DSCAM: variants seen among roughly 807,000 people sequenced by gnomAD.
DSCAM encodes the protein DS cell adhesion molecule.
Under a neutral mutation model 217.7 loss-of-function variants are expected in DSCAM, and 47 were observed. The ratio of observed to expected loss-of-function variants is 0.22; its 90% CI spans 0.17 to 0.28. The LOEUF is 0.28. DSCAM is among the 10% of genes least tolerant of loss of function. The pLI, the probability that DSCAM is intolerant of heterozygous loss-of-function variation, is 1.00. For missense variants in DSCAM, 2,080 were observed against 2,618.3 expected (o/e 0.79, Z 4.49); for synonymous variants, 1,056 against 1,015.3 (o/e 1.04, Z -0.76).
chr21:40,165,992 A>G (rs567753236), intron 16 of DSCAM, among the ~76,000 whole-genome samples: 39 of 152,320 alleles, frequency 2.6e-4, no homozygotes, highest in African/African-American at 9.4e-4. Context: ...AAACAGTCAT[A>G]TCACGCTGCC....
intron 8 of DSCAM, among the ~76,000 whole-genome samples, chr21:40,337,493 G>T (rs1231554832): frequency 6.6e-6 from 1 of 152,040 alleles, no homozygotes; most frequent in Non-Finnish European, 1.5e-5. Flanking sequence ...TCACCTTATT[G>T]TTTTTTTCTG....
At chr21:40,584,746 A>G (rs2076931230) in intron 3 of DSCAM, among the ~76,000 whole-genome samples, 1 of 152,158 alleles carries the variant, frequency 6.6e-6, no homozygotes, top group Non-Finnish European at 1.5e-5. Flanking sequence ...GGTGGGAGCT[A>G]TGAACCTGAA....
At chr21:40,323,711 A>G (rs1048040301) in intron 8 of DSCAM, among the ~76,000 whole-genome samples, 1 of 152,228 alleles carries the variant, frequency 6.6e-6, no homozygotes, top group African/African-American at 2.4e-5. Flanking sequence ...AAGAGTAGCT[A>G]ACTTTTCTAC....
intron 32 of DSCAM, among the ~76,000 whole-genome samples, chr21:40,038,844 A>G (rs2088683502): frequency 6.6e-6 from 1 of 151,634 alleles, no homozygotes; most frequent in South Asian, 2.1e-4. Context: ...GCCATTAAAA[A>G]TGATGAGTTC....
chr21:40,695,278 T>C (rs1189666892), intron 2 of DSCAM, among the ~76,000 whole-genome samples: 5 of 151,762 alleles, frequency 3.3e-5, no homozygotes, highest in Non-Finnish European at 7.4e-5. Context: ...CTACACTAGA[T>C]GGGATCACAG....
intron 15 of DSCAM, among the ~76,000 whole-genome samples, chr21:40,175,770 A>AACACACACACAC (rs1329501944): frequency 0.033 from 4,207 of 126,302 alleles, 121 homozygotes; most frequent in South Asian, 0.045. Context: ...ATATTTTCTC[A>AACACACACACAC]ACACACACAT....
At chr21:40,154,157 C>G (rs1418458986) in intron 16 of DSCAM, among the ~76,000 whole-genome samples, 3 of 151,722 alleles carry the variant, frequency 2.0e-5, no homozygotes, top group Admixed American at 6.6e-5. Flanking sequence ...CCTCTCCTCT[C>G]TCCTTTCTTT....
At chr21:40,182,307 A>G (rs2087671988) in intron 14 of DSCAM, among the ~76,000 whole-genome samples, 1 of 152,116 alleles carries the variant, frequency 6.6e-6, no homozygotes, top group African/African-American at 2.4e-5. Context: ...TCTCAAGGAT[A>G]ACAGTCCTCA....
chr21:40,407,394 T>A (rs2075288277), intron 3 of DSCAM, among the ~76,000 whole-genome samples: 1 of 152,198 alleles, frequency 6.6e-6, no homozygotes, highest in Non-Finnish European at 1.5e-5. Flanking sequence ...ACTCCCAGAT[T>A]CAAGGGTAGG....
chr21:40,144,656 T>C lies in DSCAM; in HGVS notation c.3094A>G (p.Asn1032Asp), dbSNP rs1234130006. The change falls in exon 17 of 33, where the codon AAC becomes GAC. Residue 1032 changes from asparagine (N) to aspartate (D), a missense_variant. Asn to Asp is a conservative substitution (Grantham distance 23). Transcript: ENST00000400454. The surrounding 1 kb of genome is among the most constrained non-coding windows in gnomAD (Gnocchi z 4.8). ...ACACTGATAATGTTGAATTGGAAGT[T>C]ACCCCCAGTGCTGTACTCTCGGTAA... ...IGYREYSTGG[N>D]FQFNIISVDT... 6.2e-7 allele frequency: 1 copy of C among 1,614,168 alleles called. No individual in the cohort carries two copies. The highest frequency in any genetic ancestry group is 8.5e-7 in the Non-Finnish European group (1 of 1,180,042).
At chr21:40,619,023 C>G (rs956275373) in intron 3 of DSCAM, among the ~76,000 whole-genome samples, 5 of 151,646 alleles carry the variant, frequency 3.3e-5, no homozygotes, top group African/African-American at 1.2e-4. Context: ...AAGCAGTATG[C>G]CACTTAAACC....
At chr21:40,359,437 T>C in intron 4 of DSCAM, among the ~76,000 whole-genome samples, 1 of 152,208 alleles carries the variant, frequency 6.6e-6, no homozygotes, top group East Asian at 1.9e-4. Context: ...TCTTAAAGTG[T>C]TTAAACTTCA....
chr21:40,369,383 TGC>T, intron 3 of DSCAM, 138 bp from the exon 4 acceptor site: 20 of 663,028 alleles, frequency 3.0e-5, no homozygotes, highest in Non-Finnish European at 3.7e-5. Flanking sequence ...TGCGTGCGTC[TGC>T]GTGTGTGTGT....
chr21:40,626,023 T>C (rs1248099031), intron 3 of DSCAM, among the ~76,000 whole-genome samples: 1 of 152,172 alleles, frequency 6.6e-6, no homozygotes, highest in Non-Finnish European at 1.5e-5. Flanking sequence ...CAATTTCTGA[T>C]AGATGAATGA....
chr21:40,075,276 G>T, intron 26 of DSCAM, 63 bp from the exon 27 acceptor site: 3 of 1,566,366 alleles, frequency 1.9e-6, no homozygotes, highest in East Asian at 2.3e-5. Flanking sequence ...AGCTTTTAGG[G>T]ATGACAGGTT....
intron 11 of DSCAM, among the ~76,000 whole-genome samples, chr21:40,209,750 C>A (rs754959751): frequency 6.6e-6 from 1 of 152,140 alleles, no homozygotes; most frequent in African/African-American, 2.4e-5. Flanking sequence ...CCCCTCTAGG[C>A]CCGTGACCAT....
intron 23 of DSCAM, among the ~76,000 whole-genome samples, chr21:40,084,361 G>A (rs755706338): frequency 6.6e-6 from 1 of 152,056 alleles, no homozygotes; most frequent in Non-Finnish European, 1.5e-5. Context: ...TTTCAGCCAT[G>A]AAATTTAAGT....
chr21:40,659,651 T>C (rs778892397), intron 3 of DSCAM, among the ~76,000 whole-genome samples: 6 of 151,768 alleles, frequency 4.0e-5, no homozygotes, highest in Non-Finnish European at 7.4e-5. Context: ...TATCTATGTA[T>C]ATGCCTATCT....
intron 3 of DSCAM, among the ~76,000 whole-genome samples, chr21:40,478,951 G>GTCTC (rs58968656): frequency 1.3e-5 from 2 of 151,916 alleles, no homozygotes; most frequent in African/African-American, 4.8e-5. Context: ...TGTGAATTTG[G>GTCTC]TCTCTCTCTC....
Sources: allele counts gnomAD v4.1 joint callset (sites outside exome capture counted in the v4.1 genomes callset), GRCh38; gene constraint gnomAD v4.1.1; non-coding constraint Gnocchi (gnomAD v3.1); transcripts MANE v1.5; gene names NCBI Gene and HGNC (gene_info 2026-07-23, HGNC 2026-07-21).